EPHA4: variants seen among roughly 807,000 people sequenced by gnomAD.
EPHA4 encodes ephrin type-A receptor 4.
In EPHA4, 19 loss-of-function variants were observed where a neutral mutation model predicts 108.3. That is an observed-to-expected ratio of 0.18 (90% confidence interval 0.12 to 0.26). The LOEUF (loss-of-function observed/expected upper bound fraction) is 0.26, where lower values mean the gene tolerates loss of function less well. EPHA4 is among the 10% of genes least tolerant of loss of function. EPHA4 has a pLI of 1.00. For missense variants in EPHA4, 917 were observed against 1,254.0 expected, an observed-to-expected ratio of 0.73 and a Z score of 4.06; for synonymous variants, 449 against 455.5, an observed-to-expected ratio of 0.99 and a Z score of 0.18.
chr2:221,481,766 T>C (rs1009132301), intron 5 of EPHA4, among the ~76,000 whole-genome samples: 4 of 152,252 alleles, frequency 2.6e-5, no homozygotes, highest in African/African-American at 4.8e-5. Flanking sequence ...TCCACCTAGA[T>C]CATTTATAAT....
intron 12 of EPHA4, 138 bp downstream of exon 12, chr2:221,436,923 C>T: frequency 1.4e-6 from 1 of 721,952 alleles, no homozygotes; most frequent in Non-Finnish European, 2.4e-6. Flanking sequence ...AAAATCACAT[C>T]ATTCTCCATT....
At chr2:221,458,872 T>C (rs1037375830) in intron 5 of EPHA4, among the ~76,000 whole-genome samples, 2 of 152,140 alleles carry the variant, frequency 1.3e-5, no homozygotes, top group African/African-American at 4.8e-5. Context: ...ATGAAATCCT[T>C]AATCTTATCT....
intron 3 of EPHA4, among the ~76,000 whole-genome samples, chr2:221,528,542 G>A (rs1280012831): frequency 6.6e-6 from 1 of 152,128 alleles, no homozygotes; most frequent in East Asian, 1.9e-4. Flanking sequence ...ATTATTATCT[G>A]AGTCTTGCAG....
chr2:221,491,326 C>CT (rs776724877), intron 4 of EPHA4, among the ~76,000 whole-genome samples: 5 of 152,146 alleles, frequency 3.3e-5, no homozygotes, highest in South Asian at 2.1e-4. Context: ...TTGCAAAGCA[C>CT]TTTTTTGTAT....
chr2:221,456,753 T>C lies in EPHA4; in HGVS notation c.1463A>G (p.Tyr488Cys), dbSNP rs1156866186. ...CCTGGCAGCTGTCCGAACTATACGA[T>C]AGCTTCGCTCATTCTGATCCTACAT... The part of the protein sequence containing the change: ...YYEKDQNERS[Y>C]RIVRTAARNT... The change falls in exon 7 of 18, where the codon TAT (tyrosine) becomes TGT (cysteine). Residue 488 changes from tyrosine to cysteine, a missense_variant. This residue lies in a region of EPHA4 where 758 missense variants were observed against 1,076.7 expected (regional missense o/e 0.70). Coordinates refer to ENST00000281821, the MANE Select transcript of EPHA4 (RefSeq NM_004438.5). 1.2e-6 allele frequency: 2 copies of C among 1,613,776 alleles called. No homozygotes were observed. Among genetic ancestry groups the C allele is most frequent in the African/African-American group, 2.7e-5 (2 of 74,898 alleles).
At chr2:221,572,617 G>A (rs1694884824), upstream of EPHA4, 1 of 169,582 alleles carries the variant, frequency 5.9e-6, no homozygotes, top group Non-Finnish European at 1.2e-5. Context: ...GCTCGGAATT[G>A]ACCGAGGGGA....
intron 3 of EPHA4, 151 bp downstream of exon 3, chr2:221,563,580 C>G (rs1054496619): frequency 1.2e-6 from 1 of 839,292 alleles, no homozygotes; most frequent in Non-Finnish European, 1.8e-6. Context: ...GCTTTGCCAC[C>G]TGGAGCTATA....
intron 2 of EPHA4, among the ~76,000 whole-genome samples, chr2:221,565,220 T>C (rs912904426): frequency 1.3e-5 from 2 of 152,088 alleles, no homozygotes; most frequent in Admixed American, 6.6e-5. Context: ...CCCAAGAAAA[T>C]GAAAGGAGAT....
chr2:221,501,240 G>T, intron 3 of EPHA4, 68 bp from the exon 4 acceptor site: 1 of 1,371,282 alleles, frequency 7.3e-7, no homozygotes, highest in Non-Finnish European at 9.8e-7. Context: ...AAAATGCAAA[G>T]CCACCTCCTT....
intron 4 of EPHA4, among the ~76,000 whole-genome samples, chr2:221,484,652 A>G (rs1691929684): frequency 6.6e-6 from 1 of 152,216 alleles, no homozygotes; most frequent in Non-Finnish European, 1.5e-5. Context: ...AATGAAGTAC[A>G]TAAAATCACC....
chr2:221,525,896 T>C (rs1363446602), intron 3 of EPHA4, among the ~76,000 whole-genome samples: 1 of 152,154 alleles, frequency 6.6e-6, no homozygotes, highest in Non-Finnish European at 1.5e-5. Flanking sequence ...AATTCTTTTA[T>C]AACTCTCTAT....
At position 221,571,512 on chromosome 2, in the gene EPHA4, G is replaced by A. The variant is rs1694837081; in HGVS notation, c.91+646C>T. On this transcript the variant is annotated intron_variant, in intron 1 of 17. Coordinates refer to ENST00000281821, the MANE Select transcript of EPHA4 (RefSeq NM_004438.5). This position sits in a 1 kb window ranked among gnomAD's most constrained non-coding sequence, Gnocchi z 6.3. ...TTCAACTTGCCGGCGGGTTCCCCAA[G>A]TCTGCGGGGCGAAGAGCTCGGGCCC... Among the ~76,000 whole-genome samples the A allele has an allele frequency of 6.6e-6, 1 of 152,252 alleles. No individual in the cohort carries two copies. Among genetic ancestry groups the A allele is most frequent in the South Asian group, 2.1e-4 (1 of 4,832 alleles).
At chr2:221,508,360 C>A (rs894196768) in intron 3 of EPHA4, among the ~76,000 whole-genome samples, 6 of 152,114 alleles carry the variant, frequency 3.9e-5, no homozygotes, top group African/African-American at 1.4e-4. Context: ...AGACTGATCA[C>A]CTGAGGTCAG....
chr2:221,450,183 C>T (rs529609355), intron 8 of EPHA4, among the ~76,000 whole-genome samples: 3 of 152,182 alleles, frequency 2.0e-5, no homozygotes, highest in Admixed American at 6.6e-5. Context: ...AGGGCCCAGG[C>T]GGACCACCTG....
chr2:221,513,330 C>A (rs1692886883), intron 3 of EPHA4, among the ~76,000 whole-genome samples: 1 of 152,152 alleles, frequency 6.6e-6, no homozygotes, highest in South Asian at 2.1e-4. Flanking sequence ...TGTTCTGAAG[C>A]CAGGGCCAGA....
At chr2:221,531,924 A>T (rs939231730) in intron 3 of EPHA4, among the ~76,000 whole-genome samples, 1 of 152,210 alleles carries the variant, frequency 6.6e-6, no homozygotes, top group Non-Finnish European at 1.5e-5. Context: ...ATGAGAGACG[A>T]AATACCTTGT....
intron 13 of EPHA4, among the ~76,000 whole-genome samples, chr2:221,435,642 ATTC>A (rs1690207809): frequency 6.6e-6 from 1 of 152,116 alleles, no homozygotes; most frequent in Non-Finnish European, 1.5e-5. Context: ...CTGTTTTATG[ATTC>A]TGTGTTTATT....
At chr2:221,455,454 A>G (rs1481696587) in intron 8 of EPHA4, 93 bp downstream of exon 8, 1 of 973,328 alleles carries the variant, frequency 1.0e-6, no homozygotes, top group Non-Finnish European at 1.6e-6. Flanking sequence ...TTTATGACGC[A>G]ATCAAAAGCC....
chr2:221,479,778 T>C (rs946000440), intron 5 of EPHA4, among the ~76,000 whole-genome samples: 30 of 152,206 alleles, frequency 2.0e-4, no homozygotes, highest in Admixed American at 1.8e-3. Context: ...TCTGCACATA[T>C]ACAATTCTCT....
Sources: allele counts gnomAD v4.1 joint callset (sites outside exome capture counted in the v4.1 genomes callset), GRCh38; gene constraint gnomAD v4.1.1; regional missense constraint gnomAD v4.1.1; non-coding constraint Gnocchi (gnomAD v3.1); transcripts MANE v1.5; gene names NCBI Gene and HGNC (gene_info 2026-07-23, HGNC 2026-07-21).